The following GLIS1 variants were observed in gnomAD, a reference collection of about 807,000 sequenced individuals.
GLIS1 encodes zinc finger protein GLIS1.
A neutral mutation model predicts 63.8 loss-of-function variants in GLIS1; 24 were observed. The observed-to-expected ratio is 0.38, with a 90% CI of 0.27 to 0.53. The LOEUF is 0.53. Ranked by LOEUF, GLIS1 falls within the 20% of genes least tolerant of loss-of-function variation. The pLI, the probability that GLIS1 is intolerant of heterozygous loss-of-function variation, is 0.85. For missense variants in GLIS1, 1,036 were observed against 1,074.1 expected, an observed-to-expected ratio of 0.96 and a Z score of 0.50; for synonymous variants, 450 against 482.5, an observed-to-expected ratio of 0.93 and a Z score of 0.88.
At chr1:53,667,682 G>A (rs1331587868) in intron 2 of GLIS1, among the ~76,000 whole-genome samples, 2 of 152,176 alleles carry the variant, frequency 1.3e-5, no homozygotes, top group Non-Finnish European at 2.9e-5. Context: ...CATTTTGAAG[G>A]CTAAGAAGTC....
chr1:53,576,277 C>G (rs1645031334), intron 4 of GLIS1, among the ~76,000 whole-genome samples: 1 of 152,304 alleles, frequency 6.6e-6, no homozygotes, highest in South Asian at 2.1e-4. Context: ...CCTCCCAGAT[C>G]CACACATCCT....
chr1:53,680,348 G>T (rs1053301558), intron 2 of GLIS1, among the ~76,000 whole-genome samples: 2 of 152,166 alleles, frequency 1.3e-5, no homozygotes, highest in Non-Finnish European at 2.9e-5. Flanking sequence ...CCTGCTTTTT[G>T]GCAGGAAGTA....
Position 53,639,804 on chromosome 1 carries a change from C to A in GLIS1, c.260-39526G>T, listed in dbSNP as rs1645766527. Among the ~76,000 whole-genome samples, 1 of 152,144 alleles carries A rather than the reference C, an allele frequency of 6.6e-6. No individual in the cohort carries two copies. The highest frequency in any genetic ancestry group is 2.1e-4 in the South Asian group (1 of 4,824). On this transcript the variant is annotated intron_variant, in intron 2 of 10. Transcript: ENST00000628545. This position sits in a 1 kb window ranked among gnomAD's most constrained non-coding sequence, Gnocchi z 4.6. ...AACCCTTCTCCCCCAGGACTATACT[C>A]CTCACAGCTGCCCCGAGGTTCTGCT...
intron 2 of GLIS1, among the ~76,000 whole-genome samples, chr1:53,605,559 A>T (rs1293993901): frequency 6.6e-6 from 1 of 152,136 alleles, no homozygotes; most frequent in Admixed American, 6.5e-5. Flanking sequence ...TCTTCACAAC[A>T]TCACTATAGT....
At chr1:53,547,093 T>C (rs2100389669) in intron 4 of GLIS1, among the ~76,000 whole-genome samples, 1 of 152,354 alleles carries the variant, frequency 6.6e-6, no homozygotes, top group East Asian at 1.9e-4. Context: ...CCACCCTTGT[T>C]TCACCTCACC....
intron 2 of GLIS1, among the ~76,000 whole-genome samples, chr1:53,705,524 G>A (rs1646570325): frequency 6.6e-6 from 1 of 152,048 alleles, no homozygotes; most frequent in Admixed American, 6.6e-5. Flanking sequence ...TAAAACAACT[G>A]GTAAGCTAGT....
At chr1:53,665,429 A>G (rs1646080746) in intron 2 of GLIS1, among the ~76,000 whole-genome samples, 1 of 152,200 alleles carries the variant, frequency 6.6e-6, no homozygotes, top group African/African-American at 2.4e-5. Context: ...CCAAAATGGA[A>G]GTATCAATTT....
At chr1:53,704,090 A>C (rs1049880904) in intron 2 of GLIS1, among the ~76,000 whole-genome samples, 1 of 152,256 alleles carries the variant, frequency 6.6e-6, no homozygotes, top group African/African-American at 2.4e-5. Flanking sequence ...CTACTAAACA[A>C]ACAACCCTTC....
At chr1:53,631,148 C>T (rs751053551) in intron 2 of GLIS1, among the ~76,000 whole-genome samples, 20 of 152,156 alleles carry the variant, frequency 1.3e-4, no homozygotes, top group Non-Finnish European at 2.2e-4. Flanking sequence ...TGTAATCTAA[C>T]GGGTTTTTTT....
Position 53,520,698 on chromosome 1 carries a change from C to A in GLIS1, c.1662G>T (p.Thr554=). 1 of 1,607,820 alleles carries A rather than the reference C, an allele frequency of 6.2e-7. No individual in the cohort carries two copies. Among genetic ancestry groups the A allele is most frequent in the African/African-American group, 1.3e-5 (1 of 74,986 alleles). Reference sequence around the variant, plus strand: ...CGTCGCTGGCAGCCAGCTGTGTGGACGTGTGGAGCTGCTGCAGGACCAGAC... The same window carrying A: ...CGTCGCTGGCAGCCAGCTGTGTGGAAGTGTGGAGCTGCTGCAGGACCAGAC... The part of the protein sequence containing the change: ...TECLVLQQLH[T]STQLAASDGK... Residue 554 remains threonine, a synonymous_variant, in exon 7 of 11, where the codon ACG becomes ACT. Transcript: ENST00000628545.
intron 2 of GLIS1, among the ~76,000 whole-genome samples, chr1:53,615,114 C>T (rs1190528878): frequency 6.6e-6 from 1 of 152,132 alleles, no homozygotes; most frequent in Non-Finnish European, 1.5e-5. Flanking sequence ...ACAGACCCTC[C>T]CCCAGGGTCT....
intron 2 of GLIS1, among the ~76,000 whole-genome samples, chr1:53,605,802 C>A (rs1017617827): frequency 6.6e-6 from 1 of 152,170 alleles, no homozygotes; most frequent in Non-Finnish European, 1.5e-5. Context: ...GACACCTGGG[C>A]CCCCCAGGCA....
chr1:53,726,966 C>T (rs1385756069), intron 2 of GLIS1, among the ~76,000 whole-genome samples: 5 of 152,242 alleles, frequency 3.3e-5, no homozygotes, highest in African/African-American at 7.2e-5. Context: ...CTCTGGGACA[C>T]ACCTGCTGTG....
At chr1:53,652,057 G>A (rs1357006537) in intron 2 of GLIS1, among the ~76,000 whole-genome samples, 1 of 152,146 alleles carries the variant, frequency 6.6e-6, no homozygotes, top group Middle Eastern at 3.2e-3. Flanking sequence ...GACAGCTGGC[G>A]GAGGCAGAAG....
intron 2 of GLIS1, among the ~76,000 whole-genome samples, chr1:53,603,020 C>T (rs992300889): frequency 1.3e-5 from 2 of 152,216 alleles, no homozygotes; most frequent in Non-Finnish European, 2.9e-5. Flanking sequence ...CAAGGTCACA[C>T]AGGGAAGAAG....
chr1:53,647,803 C>A (rs541961519), intron 2 of GLIS1, among the ~76,000 whole-genome samples: 4 of 152,060 alleles, frequency 2.6e-5, no homozygotes, highest in Admixed American at 2.0e-4. Context: ...AAGGGCAAGC[C>A]ACATCTAACT....
At chr1:53,690,299 C>A (rs1488256487) in intron 2 of GLIS1, among the ~76,000 whole-genome samples, 1 of 152,260 alleles carries the variant, frequency 6.6e-6, no homozygotes, top group Non-Finnish European at 1.5e-5. Context: ...GCTCCGCTGC[C>A]CCCATCAGCG....
At position 53,506,695 on chromosome 1, in the gene GLIS1, T is replaced by G; in HGVS notation, c.2312A>C (p.Glu771Ala). The G allele has an allele frequency of 1.9e-6, 3 of 1,613,450 alleles. No homozygotes were observed. Among genetic ancestry groups the G allele is most frequent in the Non-Finnish European group, 1.7e-6 (2 of 1,179,968 alleles). Residue 771 changes from glutamate to alanine, a missense_variant, in exon 11 of 11, where the codon GAG (glutamate) becomes GCG (alanine). This residue lies in a region of GLIS1 where 400 missense variants were observed against 400.9 expected (regional missense o/e 1.00). Coordinates refer to ENST00000628545, the MANE Select transcript of GLIS1 (RefSeq NM_001367484.1). The part of the protein sequence containing the change: ...PSEDVVSSGP[E>A]DCGFFPNGAF... ...TCCATTGGGGAAGAAGCCACAGTCC[T>G]CGGGGCCGCTGGACACCACATCTTC...
intron 2 of GLIS1, among the ~76,000 whole-genome samples, chr1:53,650,848 A>C (rs1645899545): frequency 6.6e-6 from 1 of 152,224 alleles, no homozygotes; most frequent in Admixed American, 6.5e-5. Flanking sequence ...GCTTACACCT[A>C]GTTTTGGCTG....
Sources: allele counts gnomAD v4.1 joint callset (sites outside exome capture counted in the v4.1 genomes callset), GRCh38; gene constraint gnomAD v4.1.1; regional missense constraint gnomAD v4.1.1; non-coding constraint Gnocchi (gnomAD v3.1); transcripts MANE v1.5; gene names NCBI Gene and HGNC (gene_info 2026-07-23, HGNC 2026-07-21).